KLHL1: variants seen among roughly 807,000 people sequenced by gnomAD.
KLHL1 encodes the protein kelch-like protein 1.
A neutral mutation model predicts 77.7 loss-of-function variants in KLHL1; 47 were observed. The observed-to-expected ratio is 0.60, with a 90% CI of 0.48 to 0.77. KLHL1 has a LOEUF of 0.77. Ranked by LOEUF, KLHL1 falls within the 30% of genes least tolerant of loss-of-function variation. The pLI, the probability that KLHL1 is intolerant of heterozygous loss-of-function variation, is 0.00. For synonymous variants in KLHL1, 360 were observed against 325.2 expected (o/e 1.11, Z -1.15); for missense variants, 925 against 910.8 (o/e 1.02, Z -0.20).
intron 1 of KLHL1, among the ~76,000 whole-genome samples, chr13:70,006,190 T>G: frequency 6.6e-6 from 1 of 152,078 alleles, no homozygotes; most frequent in East Asian, 1.9e-4. Flanking sequence ...TGACAAGAAT[T>G]TCCATCTTTA....
chr13:69,948,284 C>A (rs1883595177), intron 3 of KLHL1, among the ~76,000 whole-genome samples: 1 of 152,036 alleles, frequency 6.6e-6, no homozygotes, highest in Non-Finnish European at 1.5e-5. Context: ...AGAAGAGTAA[C>A]TATTTCTTTA....
At chr13:69,786,183 AG>A (rs1566251903) in intron 7 of KLHL1, among the ~76,000 whole-genome samples, 1 of 152,208 alleles carries the variant, frequency 6.6e-6, no homozygotes, top group Non-Finnish European at 1.5e-5. Flanking sequence ...CTGATACCAA[AG>A]CCTGGCACAG....
chr13:70,055,598 T>A (rs941450630), intron 1 of KLHL1, among the ~76,000 whole-genome samples: 1 of 152,014 alleles, frequency 6.6e-6, no homozygotes, highest in African/African-American at 2.4e-5. Flanking sequence ...AAATAATGAC[T>A]ACAACAACTT....
At chr13:69,736,281 G>GA (rs1873758335) in intron 8 of KLHL1, among the ~76,000 whole-genome samples, 1 of 152,056 alleles carries the variant, frequency 6.6e-6, no homozygotes, top group South Asian at 2.1e-4. Flanking sequence ...ACAAACATAT[G>GA]AAAAAATTCT....
intron 3 of KLHL1, among the ~76,000 whole-genome samples, chr13:69,950,248 A>C (rs1360681983): frequency 1.3e-5 from 2 of 151,738 alleles, no homozygotes; most frequent in African/African-American, 2.4e-5. Flanking sequence ...CCACTGCATG[A>C]TAGGTAAGAA....
At chr13:69,768,045 C>T (rs1440070251) in intron 7 of KLHL1, among the ~76,000 whole-genome samples, 1 of 151,958 alleles carries the variant, frequency 6.6e-6, no homozygotes, top group Non-Finnish European at 1.5e-5. Context: ...ATCTATGTTC[C>T]ATACATCATA....
chr13:70,037,629 A>G (rs1044410943), intron 1 of KLHL1, among the ~76,000 whole-genome samples: 1 of 151,912 alleles, frequency 6.6e-6, no homozygotes, highest in African/African-American at 2.4e-5. Flanking sequence ...ATTCAATTAT[A>G]TATGTTAGAA....
At chr13:69,889,853 A>G (rs1881362547) in intron 4 of KLHL1, among the ~76,000 whole-genome samples, 1 of 152,104 alleles carries the variant, frequency 6.6e-6, no homozygotes, top group Non-Finnish European at 1.5e-5. Flanking sequence ...TCTCATAGAA[A>G]GGAACACATA....
chr13:70,006,539 G>A (rs1210403976), intron 1 of KLHL1, among the ~76,000 whole-genome samples: 1 of 137,488 alleles, frequency 7.3e-6, no homozygotes, highest in African/African-American at 2.7e-5. Flanking sequence ...AGAAGGATTT[G>A]TATTAGTTAT....
chr13:70,101,498 G>A (rs888308380), intron 1 of KLHL1, among the ~76,000 whole-genome samples: 5 of 152,046 alleles, frequency 3.3e-5, no homozygotes, highest in East Asian at 1.9e-4. Context: ...GCGCGATCTC[G>A]GCTTACTGTA....
chr13:69,992,399 T>C (rs1469475194), intron 1 of KLHL1, among the ~76,000 whole-genome samples: 1 of 151,960 alleles, frequency 6.6e-6, no homozygotes. Flanking sequence ...TAATATAATT[T>C]GGGCTCTGAA....
intron 1 of KLHL1, among the ~76,000 whole-genome samples, chr13:69,980,297 C>T (rs1413185330): frequency 6.6e-6 from 1 of 152,122 alleles, no homozygotes; most frequent in Non-Finnish European, 1.5e-5. Context: ...AATAATTACT[C>T]ATGTGTTTTT....
At chr13:70,066,460 AT>A (rs1449483708) in intron 1 of KLHL1, among the ~76,000 whole-genome samples, 2 of 152,210 alleles carry the variant, frequency 1.3e-5, no homozygotes, top group Non-Finnish European at 2.9e-5. Flanking sequence ...TTGATGCGTG[AT>A]TTATATACAG....
At chr13:69,711,777 C>A (rs1301785868) in intron 9 of KLHL1, among the ~76,000 whole-genome samples, 1 of 152,018 alleles carries the variant, frequency 6.6e-6, no homozygotes, top group Non-Finnish European at 1.5e-5. Flanking sequence ...TAAATGTTGA[C>A]AATTGGTATT....
At chr13:69,988,846 T>C (rs1039405967) in intron 1 of KLHL1, among the ~76,000 whole-genome samples, 1 of 152,104 alleles carries the variant, frequency 6.6e-6, no homozygotes, top group African/African-American at 2.4e-5. Context: ...TTATAGATTG[T>C]GGATATTAGA....
intron 7 of KLHL1, among the ~76,000 whole-genome samples, chr13:69,782,709 GCCTCTGTAGGCTCCA>G (rs1478505570): frequency 2.0e-5 from 3 of 152,222 alleles, no homozygotes; most frequent in Admixed American, 2.0e-4. Context: ...AGGCCTGCCT[GCCTCTGTAGGCTCCA>G]CCTCTGGGGG....
chr13:69,824,567 T>C (rs563107033), intron 6 of KLHL1, among the ~76,000 whole-genome samples: 2 of 152,180 alleles, frequency 1.3e-5, no homozygotes, highest in East Asian at 3.9e-4. Flanking sequence ...TACTATTAAT[T>C]AATTAAAAAG....
chr13:69,914,432 C>G (rs746787324), intron 4 of KLHL1, among the ~76,000 whole-genome samples: 6 of 152,024 alleles, frequency 3.9e-5, no homozygotes, highest in Admixed American at 6.6e-5. Context: ...TTTCTGTTTC[C>G]TCAGTGGCTT....
intron 1 of KLHL1, among the ~76,000 whole-genome samples, chr13:70,041,488 A>C (rs1246458999): frequency 6.6e-6 from 1 of 152,176 alleles, no homozygotes; most frequent in Non-Finnish European, 1.5e-5. Flanking sequence ...GGAAGGAAAG[A>C]GACTCTTTGT....
Sources: allele counts gnomAD v4.1 joint callset (sites outside exome capture counted in the v4.1 genomes callset), GRCh38; gene constraint gnomAD v4.1.1; transcripts MANE v1.5; gene names NCBI Gene and HGNC (gene_info 2026-07-23, HGNC 2026-07-21).